Variants in DACH2 observed in about 807,000 individuals in gnomAD.
DACH2 encodes the protein dachshund homolog 2.
A neutral mutation model predicts 35.8 loss-of-function variants in DACH2; 17 were observed. That is an observed-to-expected ratio of 0.48 (90% confidence interval 0.33 to 0.71). DACH2 has a LOEUF of 0.71. Ranked by LOEUF, DACH2 falls within the 30% of genes least tolerant of loss-of-function variation. The probability of loss-of-function intolerance (pLI) is 0.02; values close to 1 mark genes in which losing one functional copy is unlikely to be tolerated. For synonymous variants in DACH2, 195 were observed against 177.3 expected (o/e 1.10, Z -0.79); for missense variants, 469 against 472.7 (o/e 0.99, Z 0.07).
At chrX:86,498,301 A>C (rs2038201382) in intron 2 of DACH2, among the ~76,000 whole-genome samples, 1 of 112,227 alleles carries the variant, frequency 8.9e-6, no homozygotes, top group Admixed American at 9.5e-5. Context: ...TTTAATACAA[A>C]CCCATCTTCA....
intron 1 of DACH2, among the ~76,000 whole-genome samples, chrX:86,194,884 C>T (rs1307246928): frequency 8.9e-6 from 1 of 112,781 alleles, no homozygotes; most frequent in Non-Finnish European, 1.9e-5. Context: ...ACCAGGCCGA[C>T]TTGAGCATCC....
chrX:86,524,015 C>T (rs1296282734), intron 3 of DACH2, among the ~76,000 whole-genome samples: 1 of 112,313 alleles, frequency 8.9e-6, no homozygotes, highest in African/African-American at 3.2e-5. Context: ...TATTATCATC[C>T]TTGTTTCAAA....
At chrX:86,665,488 C>T (rs908107424) in intron 4 of DACH2, among the ~76,000 whole-genome samples, 5 of 111,549 alleles carry the variant, frequency 4.5e-5, no homozygotes, top group African/African-American at 1.6e-4. Flanking sequence ...AATGTGTTTT[C>T]TACTCTACTG....
chrX:86,495,428 G>A (rs1314050747), intron 2 of DACH2, among the ~76,000 whole-genome samples: 5 of 107,676 alleles, frequency 4.6e-5, no homozygotes, highest in South Asian at 4.1e-4. Context: ...ATTTAGACTC[G>A]CCACATTTCA....
At chrX:86,407,238 A>G (rs1051054322) in intron 2 of DACH2, among the ~76,000 whole-genome samples, 2 of 111,780 alleles carry the variant, frequency 1.8e-5, no homozygotes, top group Non-Finnish European at 1.9e-5. Flanking sequence ...TATCCCCACA[A>G]CTGCCAGTTT....
At chrX:86,411,008 G>C (rs915028210) in intron 2 of DACH2, among the ~76,000 whole-genome samples, 11 of 27,488 alleles carry the variant, frequency 4.0e-4, no homozygotes, top group African/African-American at 1.8e-3. Flanking sequence ...TAGAGGGACA[G>C]AACTAATATG....
chrX:86,359,990 C>A (rs778928068), intron 1 of DACH2, among the ~76,000 whole-genome samples: 1 of 108,785 alleles, frequency 9.2e-6, no homozygotes, highest in Non-Finnish European at 1.9e-5. Context: ...TCTAGCTATC[C>A]CTCACCTCAG....
Position 86,702,563 on chromosome X carries a change from A to G in DACH2, c.931+7384A>G, listed in dbSNP as rs1396428660. ...CAAGAAAAGAAGAGAGATGATTCAA[A>G]TAAGCTCAATTAGAAATAAAAATGG... On this transcript the variant is annotated intron_variant, in intron 5 of 11. Coordinates refer to ENST00000373125, the MANE Select transcript of DACH2 (RefSeq NM_053281.3). Among the ~76,000 whole-genome samples, 4 of 111,938 alleles carry G rather than the reference A, an allele frequency of 3.6e-5. No individual in the cohort carries two copies. The Admixed American group carries it at 3.8e-4, about 11-fold the overall frequency.
Position 86,293,083 on chromosome X carries a change from G to T in DACH2, c.489-83741G>T, listed in dbSNP as rs781714411. ...TCTAAGTCTCTTTGTAGGTCACTCA[G>T]GACTTGCTTTATGAATCTGGGTGCT... On this transcript the variant is annotated intron_variant, in intron 1 of 11. Transcript: ENST00000373125. Among the ~76,000 whole-genome samples, 823 of 93,684 alleles carry T rather than the reference G, an allele frequency of 8.8e-3. 9 individuals carry two copies. Among genetic ancestry groups the T allele is most frequent in the African/African-American group, 0.033 (785 of 24,089 alleles). 81.4% of individuals were successfully genotyped at this position (93,684 alleles called of 115,157 possible).
chrX:86,674,287 C>T (rs985845189), intron 4 of DACH2, among the ~76,000 whole-genome samples: 1 of 112,315 alleles, frequency 8.9e-6, no homozygotes, highest in Non-Finnish European at 1.9e-5. Context: ...AATTTGCCAC[C>T]GTCTAGCCAC....
At chrX:86,262,599 A>T (rs185400425) in intron 1 of DACH2, among the ~76,000 whole-genome samples, 1 of 108,116 alleles carries the variant, frequency 9.2e-6, no homozygotes, top group East Asian at 3.0e-4. Context: ...CAAAATAAAT[A>T]TTTGAACCAC....
At chrX:86,285,191 A>G (rs942212504) in intron 1 of DACH2, among the ~76,000 whole-genome samples, 4 of 109,287 alleles carry the variant, frequency 3.7e-5, no homozygotes, top group Non-Finnish European at 7.6e-5. Flanking sequence ...TTTTGTTCTC[A>G]TGGTTATTTC....
At chrX:86,467,527 A>C (rs981820975) in intron 2 of DACH2, among the ~76,000 whole-genome samples, 1 of 111,392 alleles carries the variant, frequency 9.0e-6, no homozygotes, top group African/African-American at 3.3e-5. Flanking sequence ...AAACTTTCCC[A>C]CATTTTTCTG....
In DACH2 at chrX:86,756,553, A is replaced by C. The variant is rs1460882663; in HGVS notation, c.1240+16671A>C. Among the ~76,000 whole-genome samples, 6 of 106,749 alleles carry C rather than the reference A, an allele frequency of 5.6e-5. No individual in the cohort carries two copies. In the Admixed American group the frequency reaches 6.1e-4, roughly 11 times the overall value. The allele number at this position is 106,749 out of a possible 115,157, so 92.7% of individuals were successfully genotyped here. On this transcript the variant is annotated intron_variant, in intron 7 of 11. Transcript: ENST00000373125. The stretch of plus-strand genomic sequence containing the variant: ...TCTTTCTCAGCTACTTCTTTATTGT[A>C]TAGAAATGCTACTTATTTTTGCATG...
intron 3 of DACH2, among the ~76,000 whole-genome samples, chrX:86,589,445 A>T (rs190880443): frequency 1.3e-3 from 140 of 111,348 alleles, no homozygotes; most frequent in African/African-American, 4.2e-3. Flanking sequence ...GAATGAATGG[A>T]AACTATAGTG....
chrX:86,219,074 T>A (rs1049647688), intron 1 of DACH2, among the ~76,000 whole-genome samples: 3 of 112,106 alleles, frequency 2.7e-5, no homozygotes. Context: ...GTACTATGAC[T>A]ACTAAATGTT....
At chrX:86,522,895 G>C (rs2038578047) in intron 3 of DACH2, among the ~76,000 whole-genome samples, 1 of 111,690 alleles carries the variant, frequency 9.0e-6, no homozygotes, top group Non-Finnish European at 1.9e-5. Flanking sequence ...GGATCACACT[G>C]ATGGGATGGA....
chrX:86,233,631 G>C (rs1298951786), intron 1 of DACH2, among the ~76,000 whole-genome samples: 1 of 111,633 alleles, frequency 9.0e-6, no homozygotes, highest in Non-Finnish European at 1.9e-5. Flanking sequence ...GTTTCAGGTA[G>C]ACTAGAGGGA....
intron 1 of DACH2, among the ~76,000 whole-genome samples, chrX:86,215,005 C>A (rs73514008): frequency 0.066 from 7,351 of 111,100 alleles, 606 homozygotes; most frequent in African/African-American, 0.22. Flanking sequence ...GTGCAGAGGG[C>A]GAGATAGTTT....
Sources: gnomAD v4.1 joint callset for allele counts (sites outside exome capture counted in the v4.1 genomes callset) on GRCh38, gnomAD v4.1.1 for gene constraint, MANE v1.5 for transcripts, NCBI Gene and HGNC (gene_info 2026-07-23, HGNC 2026-07-21) for gene names.